The following ARSL variants were observed in gnomAD, a reference collection of about 807,000 sequenced individuals.
The protein encoded by ARSL is arylsulfatase L.
A neutral mutation model predicts 31.1 loss-of-function variants in ARSL; 4 were observed. The ratio of observed to expected loss-of-function variants is 0.13; its 90% CI spans 0.06 to 0.29. The LOEUF (loss-of-function observed/expected upper bound fraction) is 0.29. Ranked by LOEUF, ARSL falls within the 10% of genes least tolerant of loss-of-function variation. The probability of loss-of-function intolerance (pLI) is 1.00; values close to 1 mark genes in which losing one functional copy is unlikely to be tolerated. For missense variants in ARSL, 312 were observed against 497.8 expected (o/e 0.63, Z 3.55); for synonymous variants, 198 against 209.9 (o/e 0.94, Z 0.49).
intron 10 of ARSL, among the ~76,000 whole-genome samples, chrX:2,935,711 T>TTTTTTTTTTTTTTG (rs2089191488): frequency 1.0e-5 from 1 of 97,928 alleles, no homozygotes; most frequent in Non-Finnish European, 2.1e-5. Flanking sequence ...TTTTTTTATT[T>TTTTTTTTTTTTTTG]GAGACAGAGT....
chrX:2,937,976 G>T, intron 9 of ARSL, 119 bp downstream of exon 9: 1 of 1,028,235 alleles, frequency 9.7e-7, no homozygotes, highest in South Asian at 2.0e-5. Context: ...CCGACCCTCG[G>T]TTTGGTCGGG....
intron 1 of ARSL, among the ~76,000 whole-genome samples, chrX:2,962,929 C>T (rs1329337085): frequency 4.5e-5 from 5 of 111,554 alleles, no homozygotes; most frequent in Non-Finnish European, 9.4e-5. Flanking sequence ...GACCTGGAAG[C>T]CCCCTCCCTG....
intron 1 of ARSL, 106 bp from the exon 2 acceptor site, chrX:2,960,526 A>G (rs1420939366): frequency 2.7e-6 from 2 of 746,768 alleles, no homozygotes; most frequent in Non-Finnish European, 2.0e-6. Context: ...CCCGTTCATG[A>G]TATCAATAGC....
At chrX:2,949,768 C>A in intron 5 of ARSL, 41 bp from the exon 6 acceptor site, 1 of 1,157,753 alleles carries the variant, frequency 8.6e-7, no homozygotes, top group Non-Finnish European at 1.2e-6. Flanking sequence ...AGCATCTGAG[C>A]ATAACTGGAC....
intron 6 of ARSL, among the ~76,000 whole-genome samples, chrX:2,946,505 ATTTTTT>A (rs139364080): frequency 8.8e-5 from 4 of 45,512 alleles, no homozygotes; most frequent in East Asian, 6.2e-4. Flanking sequence ...GGCCCAGCTA[ATTTTTT>A]TTTTTTTTTT....
At chrX:2,958,543 G>T in intron 2 of ARSL, 108 bp from the exon 3 acceptor site, 1 of 905,344 alleles carries the variant, frequency 1.1e-6, no homozygotes, top group Non-Finnish European at 1.6e-6. Context: ...TCACATTTCA[G>T]AATAGCTTTG....
In ARSL at chrX:2,946,322, C is replaced by CT. The variant is rs747661858; in HGVS notation, c.855-189dup. Among the ~76,000 whole-genome samples, 1,716 of 68,685 alleles carry CT rather than the reference C, an allele frequency of 0.025. No homozygotes were observed. The highest frequency in any genetic ancestry group is 0.045 in the East Asian group (93 of 2,061). The allele number at this position is 68,685 out of a possible 115,157, so 59.6% of individuals were successfully genotyped here. On this transcript the variant is annotated intron_variant, in intron 6 of 10. Transcript: ENST00000381134. Reference sequence around the variant, plus strand: ...TTAATTCTTATATTTAACAATCTTCCTTTTTTTTTTTTTTTTTTTTTTTTG... The same window carrying CT: ...TTAATTCTTATATTTAACAATCTTCCTTTTTTTTTTTTTTTTTTTTTTTTTG...
chrX:2,960,791 C>T (rs1391278352), intron 1 of ARSL, among the ~76,000 whole-genome samples: 2 of 111,005 alleles, frequency 1.8e-5, no homozygotes, highest in Non-Finnish European at 3.8e-5. Context: ...TTCTGCTTCC[C>T]GAGCCCAGGG....
chrX:2,956,436 G>C (rs986287176), intron 3 of ARSL, among the ~76,000 whole-genome samples: 2 of 111,247 alleles, frequency 1.8e-5, no homozygotes, highest in Non-Finnish European at 3.8e-5. Context: ...TACAGGCAAC[G>C]ACACTGATTT....
At position 2,937,010 on chromosome X, in the gene ARSL, A is replaced by C. The variant is rs994429205; in HGVS notation, c.1290-147T>G. 1.1e-5 allele frequency: 9 copies of C among 784,306 alleles called. No individual in the cohort carries two copies. In the African/African-American group the frequency reaches 1.9e-4, roughly 16 times the overall value. 64.6% of individuals were successfully genotyped at this position (784,306 alleles called of 1,213,427 possible). ...AAAGTCTGGGTGTGAACGCAGATGG[A>C]TGGAAGGCATGTGTGTGCATTAGCA... On this transcript the variant is annotated intron_variant, in intron 9 of 10. Transcript: ENST00000381134.
chrX:2,967,894 T>A (rs774921805), upstream of ARSL, among the ~76,000 whole-genome samples: 1 of 112,226 alleles, frequency 8.9e-6, no homozygotes, highest in East Asian at 2.8e-4. Context: ...CTAGTGTGGA[T>A]GCAATGTCTC....
intron 2 of ARSL, among the ~76,000 whole-genome samples, 170 bp downstream of exon 2, chrX:2,960,208 G>A (rs751435738): frequency 2.7e-5 from 2 of 73,674 alleles, no homozygotes; most frequent in Admixed American, 1.5e-4. Context: ...GGCGGAGCTT[G>A]CAGTGAGCCG....
intron 6 of ARSL, 71 bp downstream of exon 6, chrX:2,949,230 TGAA>T: frequency 8.7e-7 from 1 of 1,149,734 alleles, no homozygotes. Flanking sequence ...CATGCCTGAC[TGAA>T]GAAGACTATT....
chrX:2,935,099 A>G lies in ARSL; in HGVS notation c.1503T>C (p.Phe501=), dbSNP rs2089178574. The G allele has an allele frequency of 8.3e-7, 1 of 1,209,633 alleles. No homozygotes were observed. The highest frequency in any genetic ancestry group is 1.1e-6 in the Non-Finnish European group (1 of 895,205). The change falls in exon 11 of 11, where the codon TTT becomes TTC. Residue 501 remains phenylalanine (F), a synonymous_variant. Coordinates refer to ENST00000381134, the MANE Select transcript of ARSL (RefSeq NM_000047.3). The stretch of plus-strand genomic sequence containing the variant: ...GATCGTGGTGGACTACTTTTTCCCC[A>G]AAGCACGGGCAGACCTTTCTTCCAT... ...ACYGRKVCPC[F]GEKVVHHDPP...
chrX:2,944,265 C>G (rs565978940), intron 7 of ARSL, among the ~76,000 whole-genome samples: 10 of 108,934 alleles, frequency 9.2e-5, no homozygotes, highest in South Asian at 4.0e-4. Flanking sequence ...ACCAGCCTGG[C>G]CAACATGGTG....
chrX:2,960,536 C>A, intron 1 of ARSL, 116 bp from the exon 2 acceptor site: 1 of 676,967 alleles, frequency 1.5e-6, no homozygotes, highest in Non-Finnish European at 2.3e-6. Context: ...ATATCAATAG[C>A]AAAAATATCT....
At chrX:2,964,884 C>T (rs2089684738), upstream of ARSL, among the ~76,000 whole-genome samples, 1 of 110,943 alleles carries the variant, frequency 9.0e-6, no homozygotes, top group Non-Finnish European at 1.9e-5. Flanking sequence ...GCAGGAAGAT[C>T]GCTTGAGCCC....
In ARSL at chrX:2,943,112, T is replaced by C. The variant is rs1426536788; in HGVS notation, c.1079A>G (p.Asn360Ser). ...ACCATACTGGGTGTTTCCAAGTTGA[T>C]TCTCTAGGGAACCGCCGTGATCCGA... is the stretch of plus-strand genomic sequence containing the variant. ...FTSDHGGSLE[N>S]QLGNTQYGGW... The change falls in exon 8 of 11, where the codon AAT becomes AGT. Residue 360 changes from asparagine to serine, a missense_variant. Asn to Ser is a conservative substitution (Grantham distance 46). Coordinates refer to ENST00000381134, the MANE Select transcript of ARSL (RefSeq NM_000047.3). The C allele has an allele frequency of 8.3e-7, 1 of 1,209,018 alleles. No homozygotes were observed. The highest frequency in any genetic ancestry group is 1.8e-5 in the African/African-American group (1 of 56,919).
chrX:2,967,687 T>C (rs2089709271), upstream of ARSL, among the ~76,000 whole-genome samples: 1 of 112,628 alleles, frequency 8.9e-6, no homozygotes, highest in Non-Finnish European at 1.9e-5. Context: ...CATGCAAGAC[T>C]GACAATATAG....
Sources: allele counts gnomAD v4.1 joint callset (sites outside exome capture counted in the v4.1 genomes callset), GRCh38; gene constraint gnomAD v4.1.1; transcripts MANE v1.5; gene names NCBI Gene and HGNC (gene_info 2026-07-23, HGNC 2026-07-21).